The following SAP30BP variants were observed in gnomAD, a reference collection of about 807,000 sequenced individuals.
SAP30BP encodes SAP30 binding protein, also known as SAP30-binding protein.
Under a neutral mutation model 46.3 loss-of-function variants are expected in SAP30BP, and 31 were observed. The observed-to-expected ratio is 0.67, with a 90% CI of 0.50 to 0.90. SAP30BP has a LOEUF of 0.90. SAP30BP is among the 40% of genes least tolerant of loss of function. The pLI is 0.00. For synonymous variants in SAP30BP, 169 were observed against 144.2 expected, an observed-to-expected ratio of 1.17 and a Z score of -1.23; for missense variants, 312 against 391.0, an observed-to-expected ratio of 0.80 and a Z score of 1.70.
At chr17:75,669,540 G>A (rs902212437) in intron 2 of SAP30BP, among the ~76,000 whole-genome samples, 5 of 152,014 alleles carry the variant, frequency 3.3e-5, no homozygotes, top group East Asian at 1.9e-4. Context: ...ACTGCTCCTG[G>A]CCGATTTTTA....
chr17:75,684,971 A>G lies in SAP30BP; in HGVS notation c.265-8469A>G, dbSNP rs2060135508. Among the ~76,000 whole-genome samples, 4 of 152,302 alleles carry G rather than the reference A, an allele frequency of 2.6e-5. No individual in the cohort carries two copies. The South Asian group carries it at 6.2e-4, about 24-fold the overall frequency. On this transcript the variant is annotated intron_variant, in intron 3 of 10. Transcript: ENST00000584667. ...TTGTGATCTCATGCAAAGGGGAACAATGACCATTATTCTCCCTCTGACCCC... is the reference window on the plus strand; with the variant it reads ...TTGTGATCTCATGCAAAGGGGAACAGTGACCATTATTCTCCCTCTGACCCC...
chr17:75,669,184 C>T (rs528617293), intron 2 of SAP30BP, among the ~76,000 whole-genome samples: 4 of 151,912 alleles, frequency 2.6e-5, no homozygotes, highest in Middle Eastern at 3.4e-3. Flanking sequence ...CGCAAGTGAT[C>T]CTCCCACCTC....
intron 4 of SAP30BP, among the ~76,000 whole-genome samples, chr17:75,696,919 A>G (rs943664363): frequency 1.3e-5 from 2 of 151,778 alleles, no homozygotes; most frequent in Non-Finnish European, 2.9e-5. Context: ...CTGGGACTAC[A>G]GGCGCCCACC....
intron 4 of SAP30BP, among the ~76,000 whole-genome samples, chr17:75,697,351 G>C (rs1166010766): frequency 6.6e-6 from 1 of 152,228 alleles, no homozygotes; most frequent in Non-Finnish European, 1.5e-5. Flanking sequence ...CTCTCCACCA[G>C]CTTCTGCAAC....
intron 3 of SAP30BP, chr17:75,683,500 A>T (rs1409584634): frequency 1.3e-5 from 2 of 152,078 alleles, no homozygotes; most frequent in Admixed American, 6.5e-5. Context: ...TATTTTCTTC[A>T]GCTATATAAG....
At chr17:75,690,300 G>T (rs1441227097) in intron 3 of SAP30BP, among the ~76,000 whole-genome samples, 1 of 152,094 alleles carries the variant, frequency 6.6e-6, no homozygotes, top group East Asian at 1.9e-4. Flanking sequence ...GGTGGAGGTC[G>T]TTATAGAGGC....
At chr17:75,689,141 G>A (rs939027235) in intron 3 of SAP30BP, among the ~76,000 whole-genome samples, 5 of 143,382 alleles carry the variant, frequency 3.5e-5, no homozygotes, top group African/African-American at 1.0e-4. Flanking sequence ...TTGTCTTTTC[G>A]TTTTTCCTTG....
chr17:75,674,120 G>A (rs770229764), intron 3 of SAP30BP, among the ~76,000 whole-genome samples: 5 of 151,848 alleles, frequency 3.3e-5, no homozygotes, highest in Admixed American at 6.6e-5. Flanking sequence ...AGGAGTCCTC[G>A]TGGCATCTCC....
intron 3 of SAP30BP, among the ~76,000 whole-genome samples, chr17:75,676,613 G>A (rs1467723545): frequency 6.6e-6 from 1 of 152,162 alleles, no homozygotes; most frequent in Non-Finnish European, 1.5e-5. Context: ...AATAAAAATG[G>A]TGTTTCCTGA....
At chr17:75,674,569 T>C (rs2059955047) in intron 3 of SAP30BP, among the ~76,000 whole-genome samples, 1 of 152,150 alleles carries the variant, frequency 6.6e-6, no homozygotes, top group East Asian at 1.9e-4. Context: ...GTGCTGGGAT[T>C]ACAGGCATAA....
intron 3 of SAP30BP, among the ~76,000 whole-genome samples, chr17:75,681,735 C>G (rs906427943): frequency 2.0e-5 from 3 of 152,182 alleles, no homozygotes; most frequent in Admixed American, 6.5e-5. Context: ...CTGCAGAGCA[C>G]AAGTGTTTCC....
intron 3 of SAP30BP, among the ~76,000 whole-genome samples, chr17:75,688,727 G>A (rs940887052): frequency 2.0e-5 from 3 of 152,108 alleles, no homozygotes; most frequent in Non-Finnish European, 4.4e-5. Context: ...GTCCAGTTTC[G>A]TGGGTCTATA....
intron 3 of SAP30BP, among the ~76,000 whole-genome samples, chr17:75,677,521 C>G (rs2060010071): frequency 6.6e-6 from 1 of 150,720 alleles, no homozygotes; most frequent in Admixed American, 6.6e-5. Flanking sequence ...CAGCCTTCAC[C>G]TCCCAGTTCA....
intron 3 of SAP30BP, among the ~76,000 whole-genome samples, chr17:75,680,557 G>A (rs991480969): frequency 6.6e-6 from 1 of 152,186 alleles, no homozygotes; most frequent in African/African-American, 2.4e-5. Flanking sequence ...TGACTGCGGC[G>A]TGAGAGAATG....
At chr17:75,692,162 G>A in intron 3 of SAP30BP, 1 of 913,034 alleles carries the variant, frequency 1.1e-6, no homozygotes. Context: ...CTGAGGAATG[G>A]GGAATTTGGC....
At chr17:75,703,909 C>G (rs1266529541) in intron 8 of SAP30BP, 50 bp downstream of exon 8, 1 of 1,325,548 alleles carries the variant, frequency 7.5e-7, no homozygotes, top group East Asian at 2.3e-5. Flanking sequence ...ACCCGACTGT[C>G]CCTTTATCCA....
At chr17:75,699,908 T>G in intron 5 of SAP30BP, 37 bp downstream of exon 5, 1 of 1,451,380 alleles carries the variant, frequency 6.9e-7, no homozygotes. Context: ...TCGGATAGAT[T>G]AGATAGCCTG....
At chr17:75,673,556 CCTTTT>C (rs2148372218) in intron 3 of SAP30BP, among the ~76,000 whole-genome samples, 1 of 152,238 alleles carries the variant, frequency 6.6e-6, no homozygotes, top group African/African-American at 2.4e-5. Context: ...ACAGTTGCAG[CCTTTT>C]CTTAGGGCTG....
chr17:75,695,198 T>A (rs2060299327), intron 4 of SAP30BP, among the ~76,000 whole-genome samples: 2 of 152,348 alleles, frequency 1.3e-5, no homozygotes, highest in East Asian at 3.9e-4. Context: ...GAGTCTTTGT[T>A]GTGGGGCTGT....
Sources: allele counts gnomAD v4.1 joint callset (sites outside exome capture counted in the v4.1 genomes callset), GRCh38; gene constraint gnomAD v4.1.1; transcripts MANE v1.5; gene names NCBI Gene and HGNC (gene_info 2026-07-23, HGNC 2026-07-21).